OSBPL9: variants seen among roughly 807,000 people sequenced by gnomAD.
OSBPL9 encodes the protein oxysterol binding protein like 9.
In OSBPL9, 40 loss-of-function variants were observed where a neutral mutation model predicts 106.6. The ratio of observed to expected loss-of-function variants is 0.38; its 90% CI spans 0.29 to 0.49. The LOEUF (loss-of-function observed/expected upper bound fraction) is 0.49, where lower values mean the gene tolerates loss of function less well. Ranked by LOEUF, OSBPL9 falls within the 20% of genes least tolerant of loss-of-function variation. The pLI is 0.97. For synonymous variants in OSBPL9, 269 were observed against 295.4 expected (o/e 0.91, Z 0.92); for missense variants, 609 against 887.2 (o/e 0.69, Z 3.98).
chr1:51,757,084 C>G (rs2149049352), intron 9 of OSBPL9: 1 of 152,148 alleles, frequency 6.6e-6, no homozygotes, highest in South Asian at 2.1e-4. Flanking sequence ...TTTGTTTGTC[C>G]TAGACTTTAC....
At position 51,772,135 on chromosome 1, in the gene OSBPL9, C is replaced by A. The variant is rs570967840; in HGVS notation, c.1004C>A (p.Thr335Asn). Residue 335 changes from threonine to asparagine, a missense_variant, in exon 13 of 24, where the codon ACC becomes AAC. This residue lies in a region of OSBPL9 where 356 missense variants were observed against 505.8 expected (regional missense o/e 0.70). Transcript: ENST00000428468. ...GGAAATAGTCTAAAACGCCCAGATACCACAGAATCACTTAATTCTTCCTTG... is the reference window on the plus strand; with the variant it reads ...GGAAATAGTCTAAAACGCCCAGATAACACAGAATCACTTAATTCTTCCTTG... Reference protein sequence around the residue: ...SSGNSLKRPDTTESLNSSLSN... With the variant: ...SSGNSLKRPDNTESLNSSLSN... The A allele has an allele frequency of 3.1e-6, 5 of 1,613,978 alleles. No individual in the cohort carries two copies. Among genetic ancestry groups the A allele is most frequent in the African/African-American group, 1.3e-5 (1 of 75,044 alleles).
At chr1:51,687,709 C>T (rs557645912) in intron 3 of OSBPL9, among the ~76,000 whole-genome samples, 84 of 152,224 alleles carry the variant, frequency 5.5e-4, no homozygotes, top group African/African-American at 1.7e-3. Context: ...TTAGAATACA[C>T]GGGAGGTGAG....
intron 4 of OSBPL9, chr1:51,740,259 A>G (rs1394195577): frequency 3.4e-6 from 5 of 1,462,396 alleles, no homozygotes; most frequent in Non-Finnish European, 4.5e-6. Context: ...TCATTGGATG[A>G]AAGCTTATCT....
intron 1 of OSBPL9, among the ~76,000 whole-genome samples, chr1:51,596,644 G>A (rs1463208159): frequency 6.6e-6 from 1 of 151,960 alleles, no homozygotes; most frequent in Non-Finnish European, 1.5e-5. Flanking sequence ...GCCAGGCATG[G>A]TGGCATGTGC....
At chr1:51,633,607 AAAAT>A (rs1207495498) in intron 1 of OSBPL9, among the ~76,000 whole-genome samples, 1 of 111,058 alleles carries the variant, frequency 9.0e-6, no homozygotes, top group Non-Finnish European at 1.8e-5. Flanking sequence ...TAAAGTAAAT[AAAAT>A]AAAATAAAAT....
intron 1 of OSBPL9, among the ~76,000 whole-genome samples, chr1:51,579,467 A>AT (rs1166620129): frequency 6.6e-6 from 1 of 152,152 alleles, no homozygotes; most frequent in Non-Finnish European, 1.5e-5. Context: ...AAAAATATGT[A>AT]TTTGCTGCCT....
chr1:51,619,537 A>G (rs1218683759), intron 1 of OSBPL9, among the ~76,000 whole-genome samples: 1 of 152,162 alleles, frequency 6.6e-6, no homozygotes, highest in Admixed American at 6.6e-5. Flanking sequence ...AGGAAGTATC[A>G]TATTTCTCAC....
chr1:51,602,692 C>T (rs1447161836), intron 2 of OSBPL9, among the ~76,000 whole-genome samples: 4 of 152,108 alleles, frequency 2.6e-5, no homozygotes, highest in South Asian at 2.1e-4. Flanking sequence ...GGGATTCTCC[C>T]GCCTCTGCCT....
chr1:51,771,999 G>A, intron 12 of OSBPL9, 71 bp from the exon 13 acceptor site: 1 of 1,119,142 alleles, frequency 8.9e-7, no homozygotes, highest in Non-Finnish European at 1.3e-6. Context: ...CCAGCTAACT[G>A]TACGAGTCTA....
At chr1:51,705,624 A>C (rs1016050995) in intron 3 of OSBPL9, among the ~76,000 whole-genome samples, 6 of 151,534 alleles carry the variant, frequency 4.0e-5, no homozygotes, top group Admixed American at 3.9e-4. Flanking sequence ...CATGTTGGTC[A>C]GGCTCATCTG....
chr1:51,735,443 T>C (rs1665456329), intron 4 of OSBPL9, among the ~76,000 whole-genome samples: 1 of 151,986 alleles, frequency 6.6e-6, no homozygotes, highest in Non-Finnish European at 1.5e-5. Context: ...CCCGGTGGAG[T>C]ACTGCTTTAC....
At chr1:51,712,462 T>A (rs960651101) in intron 3 of OSBPL9, among the ~76,000 whole-genome samples, 1 of 152,196 alleles carries the variant, frequency 6.6e-6, no homozygotes, top group African/African-American at 2.4e-5. Flanking sequence ...ATTTTCTATC[T>A]CTTTGACTTA....
chr1:51,568,839 C>T, the OSBPL9 span, among the ~76,000 whole-genome samples: 5 of 152,170 alleles, frequency 3.3e-5, no homozygotes, highest in Non-Finnish European at 5.9e-5. Context: ...AAGCAATTAT[C>T]CTGCCTGGTA....
intron 3 of OSBPL9, among the ~76,000 whole-genome samples, chr1:51,680,966 C>G (rs561633354): frequency 7.9e-5 from 12 of 152,242 alleles, no homozygotes; most frequent in African/African-American, 2.4e-4. Context: ...AACTCAATGT[C>G]ACTGCAAAAA....
At chr1:51,701,599 CT>C (rs1008433022) in intron 3 of OSBPL9, among the ~76,000 whole-genome samples, 9 of 149,362 alleles carry the variant, frequency 6.0e-5, no homozygotes, top group Admixed American at 2.0e-4. Flanking sequence ...GTATATGGTT[CT>C]TTTTTTTTGG....
chr1:51,784,193 A>C (rs553889549), intron 18 of OSBPL9, 71 bp from the exon 19 acceptor site: 1 of 1,517,112 alleles, frequency 6.6e-7, no homozygotes. Flanking sequence ...TGGAGTAACC[A>C]TCAGCTCGAC....
At position 51,785,895 on chromosome 1, in the gene OSBPL9, C is replaced by T; in HGVS notation, c.1908+9C>T. ...CAAAATATGCAACAGGGGTAAGATC[C>T]TCTATTTTGCCACTTGTTTTAGGCT... On this transcript the variant is annotated intron_variant, in intron 21 of 23. Coordinates refer to ENST00000428468, the MANE Select transcript of OSBPL9 (RefSeq NM_024586.6). The T allele has an allele frequency of 6.2e-7, 1 of 1,606,936 alleles. No individual in the cohort carries two copies. The highest frequency in any genetic ancestry group is 1.1e-5 in the South Asian group (1 of 90,466).
chr1:51,747,828 C>T (rs536965547), intron 6 of OSBPL9, among the ~76,000 whole-genome samples: 81 of 152,108 alleles, frequency 5.3e-4, no homozygotes, highest in Middle Eastern at 3.4e-3. Context: ...CTTGCTCTGT[C>T]GCCCAGGCTG....
chr1:51,628,831 G>A (rs1372393705), intron 1 of OSBPL9, among the ~76,000 whole-genome samples: 4 of 151,174 alleles, frequency 2.6e-5, no homozygotes, highest in African/African-American at 4.9e-5. Flanking sequence ...TTACAGGTGC[G>A]TGCCACCATG....
Sources: allele counts gnomAD v4.1 joint callset (sites outside exome capture counted in the v4.1 genomes callset), GRCh38; gene constraint gnomAD v4.1.1; regional missense constraint gnomAD v4.1.1; transcripts MANE v1.5; gene names NCBI Gene and HGNC (gene_info 2026-07-23, HGNC 2026-07-21).